HS6ST3: variants seen among roughly 807,000 people sequenced by gnomAD.
HS6ST3 encodes the protein heparan-sulfate 6-O-sulfotransferase 3.
HS6ST3 carries 12 observed loss-of-function variants against 36.7 expected under a neutral mutation model. The ratio of observed to expected loss-of-function variants is 0.33; its 90% confidence interval spans 0.21 to 0.53. The LOEUF (loss-of-function observed/expected upper bound fraction) is 0.53. HS6ST3 is among the 20% of genes least tolerant of loss of function. HS6ST3 has a pLI of 0.95. For synonymous variants in HS6ST3, 240 were observed against 257.5 expected, an observed-to-expected ratio of 0.93 and a Z score of 0.65; for missense variants, 584 against 640.9, an observed-to-expected ratio of 0.91 and a Z score of 0.96.
intron 1 of HS6ST3, among the ~76,000 whole-genome samples, chr13:96,513,889 A>G (rs971271906): frequency 6.6e-6 from 1 of 151,910 alleles, no homozygotes; most frequent in Non-Finnish European, 1.5e-5. Context: ...CTATTGAAGG[A>G]AAGTTTCCAA....
intron 1 of HS6ST3, among the ~76,000 whole-genome samples, chr13:96,292,987 G>T (rs2054837597): frequency 1.3e-5 from 2 of 151,946 alleles, no homozygotes. Context: ...TAGTGATGAT[G>T]AATCCTCTGG....
intron 1 of HS6ST3, among the ~76,000 whole-genome samples, chr13:96,394,395 C>A (rs1566348087): frequency 6.6e-6 from 1 of 151,984 alleles, no homozygotes; most frequent in Admixed American, 6.6e-5. Flanking sequence ...TAAAGTGTCA[C>A]TTTTTAGACT....
intron 1 of HS6ST3, among the ~76,000 whole-genome samples, chr13:96,278,106 T>C (rs1256079392): frequency 6.6e-6 from 1 of 152,186 alleles, no homozygotes; most frequent in African/African-American, 2.4e-5. Flanking sequence ...GCTATTTATC[T>C]ATACTTATTG....
At chr13:96,620,233 C>T (rs1251544020) in intron 1 of HS6ST3, among the ~76,000 whole-genome samples, 1 of 152,174 alleles carries the variant, frequency 6.6e-6, no homozygotes, top group Non-Finnish European at 1.5e-5. Flanking sequence ...TGCTTCTGCA[C>T]CCCTCCCTAA....
At chr13:96,775,581 T>C (rs1877368677) in intron 1 of HS6ST3, among the ~76,000 whole-genome samples, 3 of 147,242 alleles carry the variant, frequency 2.0e-5, no homozygotes, top group Admixed American at 1.3e-4. Flanking sequence ...CCAACAAAGA[T>C]CAAAAAAGAC....
chr13:96,699,686 G>A (rs981203090), intron 1 of HS6ST3, among the ~76,000 whole-genome samples: 1 of 152,152 alleles, frequency 6.6e-6, no homozygotes, highest in Non-Finnish European at 1.5e-5. Context: ...TCAGTGTGGC[G>A]ATTCCTCAGG....
chr13:96,609,444 GC>G (rs2056450076), intron 1 of HS6ST3, among the ~76,000 whole-genome samples: 1 of 152,056 alleles, frequency 6.6e-6, no homozygotes, highest in Non-Finnish European at 1.5e-5. Flanking sequence ...TTTGAAGCAG[GC>G]TATGGATGTC....
chr13:96,640,371 G>T (rs2056566269), intron 1 of HS6ST3, among the ~76,000 whole-genome samples: 1 of 151,902 alleles, frequency 6.6e-6, no homozygotes, highest in African/African-American at 2.4e-5. Context: ...CTTCTTTTGA[G>T]AAGTGTTTGC....
At chr13:96,232,564 C>T (rs1032856331) in intron 1 of HS6ST3, among the ~76,000 whole-genome samples, 3 of 152,076 alleles carry the variant, frequency 2.0e-5, no homozygotes, top group African/African-American at 7.2e-5. Flanking sequence ...TGGTGAAGAG[C>T]TCTGAGCATC....
At chr13:96,279,799 A>C (rs2054766432) in intron 1 of HS6ST3, among the ~76,000 whole-genome samples, 1 of 152,152 alleles carries the variant, frequency 6.6e-6, no homozygotes, top group African/African-American at 2.4e-5. Flanking sequence ...TATTGGGAGT[A>C]ATTTGGCAAT....
intron 1 of HS6ST3, among the ~76,000 whole-genome samples, chr13:96,771,307 A>G (rs1877258162): frequency 6.6e-6 from 1 of 151,230 alleles, no homozygotes; most frequent in African/African-American, 2.4e-5. Context: ...GCATTAGGAG[A>G]TATACCTAAT....
chr13:96,434,325 G>C (rs1412701904), intron 1 of HS6ST3, among the ~76,000 whole-genome samples: 1 of 152,174 alleles, frequency 6.6e-6, no homozygotes, highest in Non-Finnish European at 1.5e-5. Context: ...TTAACCTGGG[G>C]TATAACACAC....
At chr13:96,593,161 ATT>A (rs1336336844) in intron 1 of HS6ST3, among the ~76,000 whole-genome samples, 1 of 46,138 alleles carries the variant, frequency 2.2e-5, no homozygotes, top group Non-Finnish European at 4.6e-5. Context: ...CTGACTGTGT[ATT>A]TTCTTTCTTT....
At chr13:96,700,047 C>G (rs537035110) in intron 1 of HS6ST3, among the ~76,000 whole-genome samples, 1 of 152,192 alleles carries the variant, frequency 6.6e-6, no homozygotes, top group South Asian at 2.1e-4. Flanking sequence ...AATTTATTGA[C>G]AGTCTGGACC....
At position 96,839,389 on chromosome 13, in the gene HS6ST3, T is replaced by A. The variant is rs1879015132; in HGVS notation, c.*6191T>A. 1 of 152,234 alleles carries A rather than the reference T, an allele frequency of 6.6e-6. No homozygotes were observed. The highest frequency in any genetic ancestry group is 2.1e-4 in the South Asian group (1 of 4,832). The allele number at this position is 152,234 out of a possible 1,614,324, so 9.4% of individuals were successfully genotyped here. A position where few individuals can be genotyped will look rare whatever the true frequency, so the allele number is the denominator to read the frequency against. On this transcript the variant is annotated 3_prime_UTR_variant, in exon 2 of 2. Transcript: ENST00000376705. The stretch of plus-strand genomic sequence containing the variant: ...TATTTCTCTTAAGAGATATTTCCTT[T>A]TATTTCTGTACAATAATATGTATGA...
intron 1 of HS6ST3, among the ~76,000 whole-genome samples, chr13:96,379,435 G>A (rs9556580): frequency 6.6e-6 from 1 of 152,048 alleles, no homozygotes; most frequent in Non-Finnish European, 1.5e-5. Context: ...TATGAACCAG[G>A]AAGCAGGTCC....
chr13:96,412,028 C>T lies in HS6ST3; in HGVS notation c.707+320459C>T, dbSNP rs905357827. On this transcript the variant is annotated intron_variant, in intron 1 of 1. Transcript: ENST00000376705. Reference sequence around the variant, plus strand: ...TTTTTTCTTTCCTTTTTTTTTGAGACGGATTCTCGCTCTGTAGCCAGGCTG... The same window carrying T: ...TTTTTTCTTTCCTTTTTTTTTGAGATGGATTCTCGCTCTGTAGCCAGGCTG... Among the ~76,000 whole-genome samples the T allele has an allele frequency of 2.2e-4, 34 of 151,702 alleles. 1 individual carries two copies. The highest frequency in any genetic ancestry group is 3.4e-3 in the Middle Eastern group (1 of 294).
intron 1 of HS6ST3, among the ~76,000 whole-genome samples, chr13:96,299,934 G>A (rs1305184967): frequency 1.3e-5 from 2 of 151,998 alleles, no homozygotes; most frequent in Non-Finnish European, 2.9e-5. Flanking sequence ...CAGACTACAG[G>A]AGGCATGGCT....
intron 1 of HS6ST3, among the ~76,000 whole-genome samples, chr13:96,755,732 A>G (rs9556622): frequency 0.08 from 12,134 of 152,132 alleles, 890 homozygotes; most frequent in African/African-American, 0.18. Context: ...TTAAAAATCC[A>G]TTTTCCTACT....
Sources: gnomAD v4.1 joint callset for allele counts (sites outside exome capture counted in the v4.1 genomes callset) on GRCh38, gnomAD v4.1.1 for gene constraint, MANE v1.5 for transcripts, NCBI Gene and HGNC (gene_info 2026-07-23, HGNC 2026-07-21) for gene names.